LRRIQ1: variants seen among roughly 807,000 people sequenced by gnomAD.
LRRIQ1 encodes the protein leucine-rich repeat- and IQ domain-containing protein 1.
A neutral mutation model predicts 211.9 loss-of-function variants in LRRIQ1; 210 were observed. The ratio of observed to expected loss-of-function variants is 0.99; its 90% CI spans 0.89 to 1.11. The LOEUF (loss-of-function observed/expected upper bound fraction) is 1.11. LRRIQ1 is among the 50% of genes most tolerant of loss of function. The probability of loss-of-function intolerance (pLI) is 0.00; values close to 1 mark genes in which losing one functional copy is unlikely to be tolerated. For missense variants in LRRIQ1, 2,136 were observed against 1,939.5 expected (o/e 1.10, Z -1.90); for synonymous variants, 699 against 650.1 (o/e 1.08, Z -1.14).
chr12:85,196,566 A>G (rs1419696862), intron 24 of LRRIQ1, among the ~76,000 whole-genome samples: 4 of 152,168 alleles, frequency 2.6e-5, no homozygotes, highest in Non-Finnish European at 5.9e-5. Flanking sequence ...GAGAAAAACA[A>G]GCAATGGGGA....
intron 11 of LRRIQ1, among the ~76,000 whole-genome samples, chr12:85,079,303 G>T (rs992007138): frequency 7.7e-6 from 1 of 129,950 alleles, no homozygotes; most frequent in African/African-American, 3.1e-5. Context: ...CTTACTGCAA[G>T]CTCCGCCTCC....
At chr12:85,145,468 A>G (rs1432672539) in intron 19 of LRRIQ1, among the ~76,000 whole-genome samples, 1 of 151,674 alleles carries the variant, frequency 6.6e-6, no homozygotes, top group Non-Finnish European at 1.5e-5. Context: ...TAATTTATTA[A>G]GTGCCAAGAA....
chr12:85,091,840 C>G (rs1885427554), intron 11 of LRRIQ1, among the ~76,000 whole-genome samples: 2 of 152,018 alleles, frequency 1.3e-5, no homozygotes, highest in South Asian at 2.1e-4. Context: ...GTTCTGTATC[C>G]CAGGGGTTCC....
At chr12:85,082,663 C>T (rs968840936) in intron 11 of LRRIQ1, among the ~76,000 whole-genome samples, 3 of 152,084 alleles carry the variant, frequency 2.0e-5, no homozygotes, top group Non-Finnish European at 2.9e-5. Flanking sequence ...TGCTCTTAAT[C>T]GAGCTCATTG....
chr12:85,106,648 C>A, intron 15 of LRRIQ1, 33 bp downstream of exon 15: 1 of 1,388,530 alleles, frequency 7.2e-7, no homozygotes, highest in Non-Finnish European at 1.0e-6. Context: ...CATGTATATC[C>A]ATTATTATAG....
chr12:85,127,461 G>A (rs764704250), intron 17 of LRRIQ1, among the ~76,000 whole-genome samples: 2 of 152,040 alleles, frequency 1.3e-5, no homozygotes, highest in East Asian at 1.9e-4. Flanking sequence ...GATTTTACCC[G>A]CTCTTGCCAA....
At chr12:85,063,524 C>G (rs1882093168) in intron 8 of LRRIQ1, among the ~76,000 whole-genome samples, 1 of 151,602 alleles carries the variant, frequency 6.6e-6, no homozygotes, top group Non-Finnish European at 1.5e-5. Flanking sequence ...AGTATTTACC[C>G]TTTCTTTGTG....
chr12:85,199,614 C>CA (rs1358933418), intron 24 of LRRIQ1, among the ~76,000 whole-genome samples: 1 of 152,162 alleles, frequency 6.6e-6, no homozygotes, highest in Non-Finnish European at 1.5e-5. Context: ...AATTGACTCA[C>CA]AATTCTACAT....
chr12:85,063,825 A>G (rs1158210138), intron 8 of LRRIQ1, among the ~76,000 whole-genome samples: 2 of 151,714 alleles, frequency 1.3e-5, no homozygotes, highest in African/African-American at 2.4e-5. Context: ...ATTTCACTTA[A>G]TGACTTCCAA....
At chr12:85,212,374 A>C (rs1411574375) in intron 24 of LRRIQ1, among the ~76,000 whole-genome samples, 13 of 152,156 alleles carry the variant, frequency 8.5e-5, no homozygotes, top group Admixed American at 8.5e-4. Flanking sequence ...CTCTAGGCAA[A>C]GAAAGGCACT....
At chr12:85,094,374 A>G (rs566652423) in intron 11 of LRRIQ1, among the ~76,000 whole-genome samples, 1 of 152,292 alleles carries the variant, frequency 6.6e-6, no homozygotes, top group South Asian at 2.1e-4. Context: ...ATTTCACAAT[A>G]AAGGCAATTT....
intron 26 of LRRIQ1, among the ~76,000 whole-genome samples, chr12:85,240,552 C>T (rs1252152146): frequency 6.6e-6 from 1 of 152,080 alleles, no homozygotes; most frequent in Non-Finnish European, 1.5e-5. Context: ...TGTACATAAA[C>T]TTTCATAGCA....
intron 19 of LRRIQ1, among the ~76,000 whole-genome samples, chr12:85,139,108 G>T (rs1889344459): frequency 6.6e-6 from 1 of 151,372 alleles, no homozygotes; most frequent in African/African-American, 2.4e-5. Flanking sequence ...GGGGTGGATT[G>T]TTGCTTCATG....
chr12:85,196,843 A>C (rs1389008220), intron 24 of LRRIQ1, among the ~76,000 whole-genome samples: 1 of 152,170 alleles, frequency 6.6e-6, no homozygotes, highest in African/African-American at 2.4e-5. Context: ...TAATTAAACT[A>C]AAGAGCTTCT....
Position 85,052,266 on chromosome 12 carries a change from T to A in LRRIQ1, c.753+15T>A. 7.5e-7 allele frequency: 1 copy of A among 1,337,406 alleles called. No individual in the cohort carries two copies. The highest frequency in any genetic ancestry group is 2.4e-5 in the East Asian group (1 of 41,334). The allele number at this position is 1,337,406 out of a possible 1,614,324, so 82.8% of individuals were successfully genotyped here. A position where few individuals can be genotyped will look rare whatever the true frequency, so the allele number is the denominator to read the frequency against. ...AACAGCATGAGGTATCTATTTGTTG[T>A]TTTTATTTAGCACATTAAGCTTTCT... On this transcript the variant is annotated intron_variant, in intron 7 of 26. Coordinates refer to ENST00000393217, the MANE Select transcript of LRRIQ1 (RefSeq NM_001079910.2).
At chr12:85,226,817 T>A (rs1322408395) in intron 24 of LRRIQ1, among the ~76,000 whole-genome samples, 1 of 151,838 alleles carries the variant, frequency 6.6e-6, no homozygotes, top group Admixed American at 6.6e-5. Context: ...CTCAGAATGA[T>A]GGTTTCCAGC....
rs564436414 is a variant in LRRIQ1, at chr12:85,092,016, G to A, written c.2888-6339G>A. ...TCCACCACCTGTCAGTTCATCAGCAGCATTAGATTCTCATAGGAGCGTGAA... is the reference window on the plus strand; with the variant it reads ...TCCACCACCTGTCAGTTCATCAGCAACATTAGATTCTCATAGGAGCGTGAA... On this transcript the variant is annotated intron_variant, in intron 11 of 26. Coordinates refer to ENST00000393217, the MANE Select transcript of LRRIQ1 (RefSeq NM_001079910.2). 2.6e-5 allele frequency among the ~76,000 whole-genome samples: 4 copies of A among 152,276 alleles called. No individual in the cohort carries two copies. The East Asian group carries it at 7.7e-4, about 29-fold the overall frequency.
At position 85,038,168 on chromosome 12, in the gene LRRIQ1, T is replaced by G; in HGVS notation, c.-9T>G. The G allele has an allele frequency of 6.6e-7, 1 of 1,521,342 alleles. No homozygotes were observed. The highest frequency in any genetic ancestry group is 8.8e-7 in the Non-Finnish European group (1 of 1,131,536). The allele number at this position is 1,521,342 out of a possible 1,614,324, so 94.2% of individuals were successfully genotyped here. On this transcript the variant is annotated 5_prime_UTR_variant, in exon 2 of 27. The change abolishes an upstream ATG in the 5' untranslated region. Coordinates refer to ENST00000393217, the MANE Select transcript of LRRIQ1 (RefSeq NM_001079910.2). ...TTTAAAGCAGTTCTGTGCTTTATTA[T>G]GAAGAATAATGGACGATGATGATGC...
At chr12:85,144,170 G>A (rs1432057577) in intron 19 of LRRIQ1, among the ~76,000 whole-genome samples, 1 of 151,440 alleles carries the variant, frequency 6.6e-6, no homozygotes, top group East Asian at 2.0e-4. Context: ...GCAGTATTTG[G>A]TTTTCTGAAC....
Sources: gnomAD v4.1 joint callset for allele counts (sites outside exome capture counted in the v4.1 genomes callset) on GRCh38, gnomAD v4.1.1 for gene constraint, MANE v1.5 for transcripts, NCBI Gene and HGNC (gene_info 2026-07-23, HGNC 2026-07-21) for gene names.